CDH13: variants seen among roughly 807,000 people sequenced by gnomAD.
The protein encoded by CDH13 is cadherin 13.
In CDH13, 24 loss-of-function variants were observed where a neutral mutation model predicts 63.8. That is an observed-to-expected ratio of 0.38 (90% CI 0.27 to 0.53). The LOEUF is 0.53. Ranked by LOEUF, CDH13 falls within the 20% of genes least tolerant of loss-of-function variation. CDH13 has a pLI of 0.85. For missense variants in CDH13, 1,049 were observed against 903.1 expected (o/e 1.16, Z -2.07); for synonymous variants, 503 against 355.3 (o/e 1.42, Z -4.67).
rs1911773803 is a variant in CDH13, at chr16:83,738,722, A to G, written c.1539-9386A>G. Among the ~76,000 whole-genome samples, 3 of 152,306 alleles carry G rather than the reference A, an allele frequency of 2.0e-5. No homozygotes were observed. In the South Asian group the frequency reaches 6.2e-4, roughly 32 times the overall value. ...GGAGTCTGAGACCAGCCTGGCCAAC[A>G]TAGTGAAACCCCATCACTACTAAAC... On this transcript the variant is annotated intron_variant, in intron 10 of 13. Transcript: ENST00000567109.
Position 83,328,885 on chromosome 16 carries a change from C to G in CDH13, c.637-15977C>G, listed in dbSNP as rs564125653. Among the ~76,000 whole-genome samples the G allele has an allele frequency of 9.8e-5, 15 of 152,288 alleles. No individual in the cohort carries two copies. The South Asian group carries it at 2.9e-3, about 30-fold the overall frequency. On this transcript the variant is annotated intron_variant, in intron 5 of 13. Coordinates refer to ENST00000567109, the MANE Select transcript of CDH13 (RefSeq NM_001257.5). ...TCCAAGGGGAAAATGGAGCTCCACA[C>G]TAGCAGGGATAAAAGGAAGGTGGTT...
At chr16:83,059,457 A>G (rs749879582) in intron 3 of CDH13, among the ~76,000 whole-genome samples, 3 of 152,170 alleles carry the variant, frequency 2.0e-5, no homozygotes, top group Non-Finnish European at 4.4e-5. Context: ...AGAACTGTCC[A>G]GTGCAGCTGC....
intron 6 of CDH13, among the ~76,000 whole-genome samples, chr16:83,445,105 T>A (rs1415152855): frequency 6.6e-6 from 1 of 152,006 alleles, no homozygotes; most frequent in Admixed American, 6.6e-5. Flanking sequence ...GGCAGTGGAG[T>A]CTGAATAAAC....
At chr16:83,593,359 T>C (rs1351910860) in intron 7 of CDH13, among the ~76,000 whole-genome samples, 1 of 152,190 alleles carries the variant, frequency 6.6e-6, no homozygotes, top group Non-Finnish European at 1.5e-5. Flanking sequence ...GCAGCATGTG[T>C]GTGCTGGAGC....
intron 4 of CDH13, among the ~76,000 whole-genome samples, chr16:83,136,486 CAAAAAAAAA>C (rs542700844): frequency 1.6e-5 from 1 of 61,552 alleles, no homozygotes; most frequent in African/African-American, 5.5e-5. Context: ...ACTCTGTCTC[CAAAAAAAAA>C]AAAAAAAAAA....
intron 1 of CDH13, among the ~76,000 whole-genome samples, chr16:82,841,253 C>T (rs903224053): frequency 2.0e-5 from 3 of 152,224 alleles, no homozygotes; most frequent in African/African-American, 7.2e-5. Flanking sequence ...CTAGCAGATA[C>T]AGTGGCCATA....
intron 13 of CDH13, among the ~76,000 whole-genome samples, chr16:83,785,223 T>G (rs1022772069): frequency 6.6e-6 from 1 of 152,198 alleles, no homozygotes; most frequent in Non-Finnish European, 1.5e-5. Context: ...ATAACAGAGA[T>G]GTATTGCTCA....
chr16:83,633,556 G>C (rs1290530442), intron 8 of CDH13, among the ~76,000 whole-genome samples: 7 of 152,062 alleles, frequency 4.6e-5, no homozygotes, highest in Non-Finnish European at 7.4e-5. Context: ...TTCTAATAAG[G>C]GTTTTTTTCT....
chr16:82,752,188 C>T (rs1401369215), intron 1 of CDH13, among the ~76,000 whole-genome samples: 1 of 152,196 alleles, frequency 6.6e-6, no homozygotes. Context: ...ATTCTCTTCT[C>T]ATTATGTAAA....
chr16:82,703,653 C>A (rs1255883158), intron 1 of CDH13, among the ~76,000 whole-genome samples: 1 of 152,124 alleles, frequency 6.6e-6, no homozygotes, highest in Non-Finnish European at 1.5e-5. Flanking sequence ...CAATAATACG[C>A]TACTTAAGAC....
intron 6 of CDH13, among the ~76,000 whole-genome samples, chr16:83,453,019 A>G (rs943155675): frequency 2.0e-5 from 3 of 152,202 alleles, no homozygotes; most frequent in African/African-American, 4.8e-5. Context: ...TTGAGCCTAT[A>G]TGATGGAATA....
intron 7 of CDH13, among the ~76,000 whole-genome samples, chr16:83,577,184 G>A (rs1342451942): frequency 6.6e-6 from 1 of 152,198 alleles, no homozygotes; most frequent in African/African-American, 2.4e-5. Context: ...CATAGCTGCA[G>A]ACTCACTTGT....
At chr16:83,631,532 A>G (rs557934893) in intron 8 of CDH13, among the ~76,000 whole-genome samples, 1 of 152,216 alleles carries the variant, frequency 6.6e-6, no homozygotes, top group South Asian at 2.1e-4. Flanking sequence ...CCACAGCAAA[A>G]TGATGGAGTT....
chr16:83,169,452 G>T (rs79288103), intron 4 of CDH13, among the ~76,000 whole-genome samples: 2,156 of 152,116 alleles, frequency 0.014, 88 homozygotes, highest in South Asian at 0.12. Flanking sequence ...TGGGAGTAAG[G>T]TGTGAGCCAC....
At chr16:83,026,778 C>G (rs1028393890) in intron 2 of CDH13, among the ~76,000 whole-genome samples, 8 of 152,282 alleles carry the variant, frequency 5.3e-5, no homozygotes, top group Admixed American at 5.2e-4. Flanking sequence ...TGACTGTTGT[C>G]TGTCCAAGCA....
At chr16:82,742,529 A>G (rs2033978729) in intron 1 of CDH13, among the ~76,000 whole-genome samples, 1 of 152,154 alleles carries the variant, frequency 6.6e-6, no homozygotes, top group African/African-American at 2.4e-5. Flanking sequence ...GTTTATCTTT[A>G]GATTGGGTTC....
intron 11 of CDH13, among the ~76,000 whole-genome samples, chr16:83,768,130 C>T (rs963944603): frequency 1.3e-5 from 2 of 152,024 alleles, no homozygotes; most frequent in East Asian, 1.9e-4. Context: ...TCACCACTTA[C>T]ATTTTTATAT....
At chr16:83,180,862 T>TTTTTTTTTG in intron 4 of CDH13, 1 of 1,513,730 alleles carries the variant, frequency 6.6e-7, no homozygotes, top group Non-Finnish European at 8.9e-7. Flanking sequence ...GTTTTTTTTT[T>TTTTTTTTTG]CTTACAGAGA....
rs550581194 is a variant in CDH13 at position 83,542,395 on chromosome 16, T to C, written c.960+55740T>C. Among the ~76,000 whole-genome samples the C allele has an allele frequency of 4.6e-5, 7 of 152,318 alleles. No individual in the cohort carries two copies. In the East Asian group the frequency reaches 1.4e-3, roughly 29 times the overall value. On this transcript the variant is annotated intron_variant, in intron 7 of 13. Transcript: ENST00000567109. The stretch of plus-strand genomic sequence containing the variant: ...CAGAATCCCCTGGGTGTTAGGTGCG[T>C]ATCACAACACAGATTGCTGGATCAC...
Sources: allele counts gnomAD v4.1 joint callset (sites outside exome capture counted in the v4.1 genomes callset), GRCh38; gene constraint gnomAD v4.1.1; transcripts MANE v1.5; gene names NCBI Gene and HGNC (gene_info 2026-07-23, HGNC 2026-07-21).